ASPH: variants seen among roughly 807,000 people sequenced by gnomAD.
The protein encoded by ASPH is aspartate beta-hydroxylase, also known as aspartyl/asparaginyl beta-hydroxylase.
Under a neutral mutation model 118.4 loss-of-function variants are expected in ASPH, and 100 were observed. That is an observed-to-expected ratio of 0.84 (90% CI 0.72 to 1.00). The LOEUF (loss-of-function observed/expected upper bound fraction) is 1.00, where lower values mean the gene tolerates loss of function less well. Ranked by LOEUF, ASPH falls within the 50% of genes least tolerant of loss-of-function variation. The pLI, the probability that ASPH is intolerant of heterozygous loss-of-function variation, is 0.00. For missense variants in ASPH, 920 were observed against 919.5 expected (o/e 1.00, Z -0.01); for synonymous variants, 315 against 325.6 (o/e 0.97, Z 0.35).
Position 61,576,667 on chromosome 8 carries a change from T to A in ASPH, c.1149+105A>T, listed in dbSNP as rs1587485613. ...TTATGCATATACATGAGAAACTGATTCTGTAGAGAAATTAGAAAGGGAAAA... is the reference window on the plus strand; with the variant it reads ...TTATGCATATACATGAGAAACTGATACTGTAGAGAAATTAGAAAGGGAAAA... On this transcript the variant is annotated intron_variant, in intron 16 of 24. Coordinates refer to ENST00000379454, the MANE Select transcript of ASPH (RefSeq NM_004318.4). 7 of 953,192 alleles carry A rather than the reference T, an allele frequency of 7.3e-6. No individual in the cohort carries two copies. In the East Asian group the frequency reaches 1.7e-4, roughly 24 times the overall value. The allele number at this position is 953,192 out of a possible 1,614,324, so 59.0% of individuals were successfully genotyped here.
intron 15 of ASPH, among the ~76,000 whole-genome samples, chr8:61,581,397 C>G (rs1587608767): frequency 6.6e-6 from 1 of 152,212 alleles, no homozygotes; most frequent in Non-Finnish European, 1.5e-5. Context: ...CAAGACAGTT[C>G]ATGGGAGAGA....
chr8:61,526,115 A>G lies in ASPH; in HGVS notation c.1765-3T>C. 1 of 1,613,944 alleles carries G rather than the reference A, an allele frequency of 6.2e-7. No homozygotes were observed. Among genetic ancestry groups the G allele is most frequent in the Non-Finnish European group, 8.5e-7 (1 of 1,179,854 alleles). ...AACTTCCAGTTTCTTTCTAAAGACTAGAGGGAAGATTCTGGCTTTACTGGA... is the reference window on the plus strand; with the variant it reads ...AACTTCCAGTTTCTTTCTAAAGACTGGAGGGAAGATTCTGGCTTTACTGGA... On this transcript the variant is annotated splice_polypyrimidine_tract_variant and splice_region_variant and intron_variant, in intron 21 of 24. Transcript: ENST00000379454.
intron 1 of ASPH, among the ~76,000 whole-genome samples, chr8:61,695,680 C>G (rs1833763814): frequency 6.6e-6 from 1 of 152,214 alleles, no homozygotes; most frequent in South Asian, 2.1e-4. Context: ...TCTCTTTCCA[C>G]CTCCAGAATG....
intron 4 of ASPH, among the ~76,000 whole-genome samples, chr8:61,651,590 G>A (rs1302754654): frequency 6.6e-6 from 1 of 152,186 alleles, no homozygotes; most frequent in Non-Finnish European, 1.5e-5. Flanking sequence ...AGGAGAAAGG[G>A]CACTCCTGCA....
intron 16 of ASPH, among the ~76,000 whole-genome samples, chr8:61,575,385 G>A (rs1002445297): frequency 4.6e-4 from 70 of 151,898 alleles, no homozygotes; most frequent in African/African-American, 1.6e-3. Context: ...ATACCACGTC[G>A]ACCCCCTCAC....
intron 15 of ASPH, chr8:61,579,027 A>G (rs1836419222): frequency 6.2e-7 from 1 of 1,610,822 alleles, no homozygotes; most frequent in African/African-American, 1.3e-5. Flanking sequence ...GTACGAGGAT[A>G]TTGCCAACCA....
In ASPH at chr8:61,584,047, T is replaced by C. The variant is rs768406630; in HGVS notation, c.977-18A>G. 4 of 1,421,746 alleles carry C rather than the reference T, an allele frequency of 2.8e-6. No individual in the cohort carries two copies. The highest frequency in any genetic ancestry group is 3.9e-6 in the Non-Finnish European group (4 of 1,034,950). 88.1% of individuals were successfully genotyped at this position (1,421,746 alleles called of 1,614,324 possible). ...TTTCTTAACTGAAAGAAAAAAGAGA[T>C]TTTTATTTTTAACGTTTTTTGACTA... On this transcript the variant is annotated intron_variant, in intron 14 of 24. Coordinates refer to ENST00000379454, the MANE Select transcript of ASPH (RefSeq NM_004318.4).
chr8:61,589,744 A>G (rs1022339053), intron 14 of ASPH, among the ~76,000 whole-genome samples: 1 of 152,172 alleles, frequency 6.6e-6, no homozygotes, highest in Non-Finnish European at 1.5e-5. Context: ...AGAATTTGTT[A>G]AAGTGCCCGT....
intron 1 of ASPH, among the ~76,000 whole-genome samples, chr8:61,695,149 T>A (rs761554913): frequency 6.6e-6 from 1 of 152,246 alleles, no homozygotes; most frequent in South Asian, 2.1e-4. Context: ...GTTCCAACGT[T>A]CTTTCAACTG....
At chr8:61,691,120 T>A (rs1335076100) in intron 1 of ASPH, among the ~76,000 whole-genome samples, 1 of 152,232 alleles carries the variant, frequency 6.6e-6, no homozygotes, top group African/African-American at 2.4e-5. Flanking sequence ...TTTCCTCAGA[T>A]GCCTGTTTTA....
At chr8:61,557,278 C>T (rs1300502635) in intron 18 of ASPH, among the ~76,000 whole-genome samples, 2 of 152,090 alleles carry the variant, frequency 1.3e-5, no homozygotes, top group Non-Finnish European at 2.9e-5. Flanking sequence ...GGAACCACCC[C>T]CAAGGCCTCC....
In ASPH at chr8:61,534,478, T is replaced by TA. The variant is rs528251658; in HGVS notation, c.1765-8367dup. ...CATGCTAGAGATATGCAGTAGAAAG[T>TA]AAAAAAAAAAGTATCAGCATATTTT... On this transcript the variant is annotated intron_variant, in intron 21 of 24. Coordinates refer to ENST00000379454, the MANE Select transcript of ASPH (RefSeq NM_004318.4). Among the ~76,000 whole-genome samples, 257 of 149,034 alleles carry TA rather than the reference T, an allele frequency of 1.7e-3. 1 individual carries two copies. In the Middle Eastern group the frequency reaches 0.031, roughly 18 times the overall value.
At chr8:61,663,385 C>T (rs1008425577) in intron 3 of ASPH, 1 of 985,288 alleles carries the variant, frequency 1.0e-6, no homozygotes, top group African/African-American at 1.7e-5. Flanking sequence ...CCAGAGCCAT[C>T]TGCATTGGGA....
intron 14 of ASPH, among the ~76,000 whole-genome samples, chr8:61,599,140 G>C (rs1295158770): frequency 6.6e-6 from 1 of 151,806 alleles, no homozygotes; most frequent in African/African-American, 2.4e-5. Context: ...AAACAATAAA[G>C]ATCAGAGAAA....
chr8:61,580,348 C>T (rs1007069456), intron 15 of ASPH, among the ~76,000 whole-genome samples: 1 of 152,180 alleles, frequency 6.6e-6, no homozygotes, highest in Non-Finnish European at 1.5e-5. Context: ...AGGGCTCCAC[C>T]CGTACAGCAA....
rs557844675 is a variant in ASPH at position 61,544,767 on chromosome 8, A to T, written c.1764+3304T>A. Among the ~76,000 whole-genome samples the T allele has an allele frequency of 6.9e-4, 105 of 152,336 alleles. 1 individual carries two copies. The highest frequency in any genetic ancestry group is 2.4e-3 in the African/African-American group (100 of 41,576). ...TTTGAGAACCCATCATGTATTAGAG[A>T]CATGGTCCCTGTCATCTTAGAAGAC... On this transcript the variant is annotated intron_variant, in intron 21 of 24. Transcript: ENST00000379454.
chr8:61,613,752 T>G (rs1329884442), intron 14 of ASPH, among the ~76,000 whole-genome samples: 1 of 152,164 alleles, frequency 6.6e-6, no homozygotes, highest in Non-Finnish European at 1.5e-5. Context: ...AGGGAGGCCA[T>G]AAGCAGGGGC....
Position 61,536,229 on chromosome 8 carries a change from TG to T in ASPH, c.1765-10118del, listed in dbSNP as rs561340008. ...TAATTTTTTGTATTTTTAGTAGAGA[TG>T]GGGTTTCACCATGTTAGCCAGGATG... On this transcript the variant is annotated intron_variant, in intron 21 of 24. Transcript: ENST00000379454. Among the ~76,000 whole-genome samples, 155 of 152,022 alleles carry T rather than the reference TG, an allele frequency of 1.0e-3. 2 individuals carry two copies. Among genetic ancestry groups the T allele is most frequent in the African/African-American group, 3.4e-3 (140 of 41,502 alleles).
At chr8:61,576,675 G>T in intron 16 of ASPH, 97 bp downstream of exon 16, 2 of 1,052,784 alleles carry the variant, frequency 1.9e-6, no homozygotes, top group Non-Finnish European at 2.8e-6. Context: ...ATTCTGTAGA[G>T]AAATTAGAAA....
Sources: gnomAD v4.1 joint callset for allele counts (sites outside exome capture counted in the v4.1 genomes callset) on GRCh38, gnomAD v4.1.1 for gene constraint, MANE v1.5 for transcripts, NCBI Gene and HGNC (gene_info 2026-07-23, HGNC 2026-07-21) for gene names.